Variants in SELENOF observed in about 807,000 individuals in gnomAD.
SELENOF encodes selenoprotein F, also known as 15 kDa selenoprotein.
Under a neutral mutation model 20.5 loss-of-function variants are expected in SELENOF, and 16 were observed. The observed-to-expected ratio is 0.78, with a 90% CI of 0.53 to 1.19. The LOEUF (loss-of-function observed/expected upper bound fraction) is 1.19. Ranked by LOEUF, SELENOF falls within the 50% of genes most tolerant of loss-of-function variation. The pLI is 0.00. For synonymous variants in SELENOF, 78 were observed against 74.5 expected, an observed-to-expected ratio of 1.05 and a Z score of -0.24; for missense variants, 215 against 194.2, an observed-to-expected ratio of 1.11 and a Z score of -0.64.
intron 2 of SELENOF, among the ~76,000 whole-genome samples, chr1:86,892,797 A>T (rs971531028): frequency 3.3e-5 from 5 of 152,238 alleles, no homozygotes; most frequent in Admixed American, 1.3e-4. Flanking sequence ...AGGAGCCATT[A>T]AAGTCTGTGG....
intron 4 of SELENOF, among the ~76,000 whole-genome samples, 199 bp from the exon 5 acceptor site, chr1:86,863,804 ATCAC>A (rs1311589347): frequency 1.4e-5 from 2 of 140,638 alleles, no homozygotes; most frequent in African/African-American, 5.9e-5. Context: ...AATTAAAAAA[ATCAC>A]TCATTCATTC....
At chr1:86,890,617 C>CA (rs1288091605) in intron 2 of SELENOF, among the ~76,000 whole-genome samples, 1 of 151,740 alleles carries the variant, frequency 6.6e-6, no homozygotes, top group East Asian at 1.9e-4. Flanking sequence ...CTCAGCCTCC[C>CA]AAATAGCTAG....
At position 86,863,481 on chromosome 1, in the gene SELENOF, C is replaced by A. The variant is rs377045272; in HGVS notation, c.491G>T (p.Arg164Leu). ...ACAAAATTTAAGCAAGATTTATATGCGTTCCAACTTTTCACTCAGGAATTC... is the reference window on the plus strand; with the variant it reads ...ACAAAATTTAAGCAAGATTTATATGAGTTCCAACTTTTCACTCAGGAATTC... The part of the protein sequence containing the change: ...VEEFLSEKLE[R>L]I The change falls in exon 5 of 5, where the codon CGC (arginine) becomes CTC (leucine). Residue 164 changes from arginine to leucine, a missense_variant. Arg to Leu is a moderately radical substitution (Grantham distance 102, BLOSUM62 -2). Transcript: ENST00000331835. The A allele has an allele frequency of 1.9e-6, 3 of 1,610,916 alleles. No individual in the cohort carries two copies. Among genetic ancestry groups the A allele is most frequent in the South Asian group, 1.1e-5 (1 of 90,432 alleles).
intron 2 of SELENOF, among the ~76,000 whole-genome samples, chr1:86,884,477 TAC>T (rs1452865002): frequency 1.3e-5 from 2 of 151,974 alleles, no homozygotes; most frequent in Non-Finnish European, 2.9e-5. Context: ...ATAACTTAAC[TAC>T]AGATTGTAGT....
intron 1 of SELENOF, among the ~76,000 whole-genome samples, chr1:86,905,807 T>C (rs146703774): frequency 1.5e-4 from 23 of 152,354 alleles, no homozygotes; most frequent in African/African-American, 5.5e-4. Context: ...TGTGGCCATA[T>C]GGTTTCTGTA....
intron 3 of SELENOF, among the ~76,000 whole-genome samples, chr1:86,870,854 C>A (rs61574662): frequency 6.6e-6 from 1 of 152,008 alleles, no homozygotes; most frequent in South Asian, 2.1e-4. Flanking sequence ...CTCCTGACCT[C>A]GTGATCTGCC....
chr1:86,902,676 T>C (rs1426639415), intron 2 of SELENOF, among the ~76,000 whole-genome samples: 1 of 152,230 alleles, frequency 6.6e-6, no homozygotes, highest in Non-Finnish European at 1.5e-5. Flanking sequence ...GATGAAAATA[T>C]TTAAAAGATG....
At chr1:86,899,915 G>C (rs1409825565) in intron 2 of SELENOF, among the ~76,000 whole-genome samples, 3 of 151,382 alleles carry the variant, frequency 2.0e-5, no homozygotes, top group East Asian at 4.0e-4. Flanking sequence ...AGACGGGGTC[G>C]CGGCCGGGCA....
At chr1:86,864,212 G>A (rs909687737) in intron 4 of SELENOF, among the ~76,000 whole-genome samples, 1 of 152,170 alleles carries the variant, frequency 6.6e-6, no homozygotes, top group African/African-American at 2.4e-5. Flanking sequence ...ATTTTTCTTG[G>A]CTTAACAAAT....
At chr1:86,872,525 C>A (rs935658902) in intron 3 of SELENOF, among the ~76,000 whole-genome samples, 2 of 151,272 alleles carry the variant, frequency 1.3e-5, no homozygotes, top group Non-Finnish European at 2.9e-5. Flanking sequence ...TGCGCCACAA[C>A]GCCCAGCTAA....
At chr1:86,868,194 CAAACATTATATCCTATATGAAA>C in intron 3 of SELENOF, 92 bp from the exon 4 acceptor site, 1 of 600,020 alleles carries the variant, frequency 1.7e-6, no homozygotes, top group Non-Finnish European at 2.9e-6. Context: ...AACAACAAAT[CAAACATTATATCCTATATGAAA>C]AAACTAAGAA....
chr1:86,882,247 C>CAAAAAAAAAAA (rs61037512), intron 2 of SELENOF, among the ~76,000 whole-genome samples: 3 of 61,844 alleles, frequency 4.9e-5, no homozygotes, highest in Non-Finnish European at 9.9e-5. Context: ...GACTCTGTCT[C>CAAAAAAAAAAA]AAAAAAAAAA....
chr1:86,913,120 T>C (rs1193819060), intron 1 of SELENOF, among the ~76,000 whole-genome samples: 1 of 152,230 alleles, frequency 6.6e-6, no homozygotes, highest in Non-Finnish European at 1.5e-5. Flanking sequence ...TTTCAAGCTC[T>C]TTGAGAAAGG....
intron 1 of SELENOF, among the ~76,000 whole-genome samples, chr1:86,910,557 A>T (rs1472236170): frequency 8.2e-6 from 1 of 121,770 alleles, no homozygotes; most frequent in African/African-American, 3.4e-5. Context: ...TACAAAAATT[A>T]GCTGTGCGTG....
At chr1:86,905,646 G>T (rs767288960) in intron 1 of SELENOF, among the ~76,000 whole-genome samples, 6 of 152,156 alleles carry the variant, frequency 3.9e-5, no homozygotes, top group Non-Finnish European at 8.8e-5. Flanking sequence ...TCCCTCACTT[G>T]TGACAGTTTT....
At chr1:86,899,877 G>A (rs1166584548) in intron 2 of SELENOF, among the ~76,000 whole-genome samples, 3 of 148,784 alleles carry the variant, frequency 2.0e-5, no homozygotes, top group Non-Finnish European at 3.0e-5. Flanking sequence ...CAGATGGGGC[G>A]GCTGGGCAGA....
intron 3 of SELENOF, among the ~76,000 whole-genome samples, chr1:86,873,157 T>G (rs1658828729): frequency 6.6e-6 from 1 of 151,692 alleles, no homozygotes; most frequent in African/African-American, 2.4e-5. Context: ...CTTGGGAGAC[T>G]AAGGTAGGAG....
chr1:86,903,395 A>G lies in SELENOF; in HGVS notation c.138T>C (p.Phe46=). Residue 46 remains phenylalanine (F), a synonymous_variant, in exon 2 of 5, where the codon TTT becomes TTC. Coordinates refer to ENST00000331835, the MANE Select transcript of SELENOF (RefSeq NM_004261.5). ...FSSEACRELG[F]SSNLLCSSCD... ...AAGAGCTGCAAAGCAAGTTGCTAGA[A>G]AAGCCTAACTCTCTGCATGCCTCCG... 2.5e-6 allele frequency: 4 copies of G among 1,611,974 alleles called. No homozygotes were observed. Among genetic ancestry groups the G allele is most frequent in the Non-Finnish European group, 3.4e-6 (4 of 1,178,992 alleles).
chr1:86,903,540 C>T (rs1242298999), intron 1 of SELENOF, 92 bp from the exon 2 acceptor site: 1 of 794,896 alleles, frequency 1.3e-6, no homozygotes, highest in South Asian at 2.5e-5. Context: ...AAAACTAACA[C>T]ATTGAAGACA....
Sources: allele counts gnomAD v4.1 joint callset (sites outside exome capture counted in the v4.1 genomes callset), GRCh38; gene constraint gnomAD v4.1.1; transcripts MANE v1.5; gene names NCBI Gene and HGNC (gene_info 2026-07-23, HGNC 2026-07-21).